GSE1: variants seen among roughly 807,000 people sequenced by gnomAD.
GSE1 encodes genetic suppressor element 1.
In GSE1, 32 loss-of-function variants were observed where a neutral mutation model predicts 112.6. The ratio of observed to expected loss-of-function variants is 0.28; its 90% confidence interval spans 0.21 to 0.38. GSE1 has a LOEUF of 0.38. GSE1 is among the 10% of genes least tolerant of loss of function. GSE1 has a pLI of 1.00. For missense variants in GSE1, 2,348 were observed against 1,699.2 expected (o/e 1.38, Z -6.71); for synonymous variants, 1,115 against 735.6 (o/e 1.52, Z -8.35).
intron 2 of GSE1, among the ~76,000 whole-genome samples, chr16:85,409,412 CT>C (rs559760305): frequency 1.2e-3 from 36 of 29,630 alleles, no homozygotes; most frequent in South Asian, 1.9e-3. Context: ...CAGGGCCCCC[CT>C]GGATAATCCT....
intron 2 of GSE1, among the ~76,000 whole-genome samples, chr16:85,364,494 G>T (rs1302413545): frequency 6.6e-6 from 1 of 152,222 alleles, no homozygotes; most frequent in African/African-American, 2.4e-5. Flanking sequence ...TATAAAGTCA[G>T]CTGCATTAGT....
intron 1 of GSE1, among the ~76,000 whole-genome samples, chr16:85,253,915 G>A (rs1906788718): frequency 6.6e-6 from 1 of 152,224 alleles, no homozygotes; most frequent in Non-Finnish European, 1.5e-5. Context: ...AGGGCAGGAG[G>A]CGGCACAGAC....
upstream of GSE1, chr16:85,611,470 C>G: frequency 1.0e-6 from 1 of 985,276 alleles, no homozygotes. Flanking sequence ...CGCCGGTGAG[C>G]TGGCGGGTCG....
intron 1 of GSE1, among the ~76,000 whole-genome samples, chr16:85,264,212 G>A (rs11647592): frequency 0.12 from 17,991 of 152,150 alleles, 1,102 homozygotes; most frequent in Non-Finnish European, 0.12. Context: ...GAGGTTTCAT[G>A]TTGGGGTAGA....
Position 85,280,302 on chromosome 16 carries a change from C to T in GSE1, c.2284-77161C>T, listed in dbSNP as rs187401906. On this transcript the variant is annotated intron_variant, in intron 1 of 2. Transcript: ENST00000637419. ...TCTACCAGTCCAGGGTGAGGCTTCT[C>T]TGGCCAAGGCCCCATCCAGCACCCA... Among the ~76,000 whole-genome samples, 110 of 152,334 alleles carry T rather than the reference C, an allele frequency of 7.2e-4. 1 individual carries two copies. Among genetic ancestry groups the T allele is most frequent in the African/African-American group, 2.4e-3 (101 of 41,576 alleles).
chr16:85,571,562 G>C (rs938651461), intron 1 of GSE1, among the ~76,000 whole-genome samples: 3 of 152,226 alleles, frequency 2.0e-5, no homozygotes, highest in African/African-American at 4.8e-5. Context: ...ACGGGCCTGG[G>C]AGCGTCACCG....
intron 1 of GSE1, among the ~76,000 whole-genome samples, chr16:85,230,990 A>G (rs1401845848): frequency 2.6e-5 from 4 of 151,348 alleles, no homozygotes; most frequent in Non-Finnish European, 5.9e-5. Context: ...GATGGATAGA[A>G]GGACAGATGG....
chr16:85,530,168 C>T (rs1411883025), intron 2 of GSE1, among the ~76,000 whole-genome samples: 3 of 152,244 alleles, frequency 2.0e-5, no homozygotes, highest in Non-Finnish European at 4.4e-5. Context: ...TCCAGCTCAG[C>T]CGTCTGCCTT....
intron 1 of GSE1, among the ~76,000 whole-genome samples, chr16:85,305,138 C>A (rs2045641968): frequency 6.6e-6 from 1 of 152,212 alleles, no homozygotes; most frequent in Non-Finnish European, 1.5e-5. Context: ...CTCCCTGGGC[C>A]ATCTCCAGAT....
chr16:85,246,992 G>A (rs929950311), intron 1 of GSE1, among the ~76,000 whole-genome samples: 1 of 152,068 alleles, frequency 6.6e-6, no homozygotes, highest in African/African-American at 2.4e-5. Context: ...GTGGCTCGGG[G>A]GTGGGGGTCC....
At chr16:85,482,842 G>T (rs575937459) in intron 2 of GSE1, among the ~76,000 whole-genome samples, 1 of 152,160 alleles carries the variant, frequency 6.6e-6, no homozygotes. Flanking sequence ...GCCAGGCATG[G>T]TGGAGGGTGC....
intron 2 of GSE1, among the ~76,000 whole-genome samples, chr16:85,536,217 C>A (rs2044321929): frequency 6.6e-6 from 1 of 152,218 alleles, no homozygotes; most frequent in South Asian, 2.1e-4. Context: ...GTTCTGAGTT[C>A]TCTCCGTGGG....
At chr16:85,664,212 A>G (rs1213067278) in intron 11 of GSE1, among the ~76,000 whole-genome samples, 1 of 152,250 alleles carries the variant, frequency 6.6e-6, no homozygotes, top group Non-Finnish European at 1.5e-5. Context: ...CCTGCAGCGC[A>G]GGCTGGCTTG....
At chr16:85,299,015 G>A (rs1358171333) in intron 1 of GSE1, among the ~76,000 whole-genome samples, 1 of 152,240 alleles carries the variant, frequency 6.6e-6, no homozygotes, top group East Asian at 1.9e-4. Context: ...CCTCGCTGCT[G>A]GAGGACAGGT....
At chr16:85,341,243 G>C (rs1325309302) in intron 1 of GSE1, among the ~76,000 whole-genome samples, 1 of 151,866 alleles carries the variant, frequency 6.6e-6, no homozygotes, top group Non-Finnish European at 1.5e-5. Flanking sequence ...CTTCAGGTTA[G>C]AGTGCAGTGG....
At chr16:85,630,891 A>C (rs926847818) in intron 1 of GSE1, among the ~76,000 whole-genome samples, 2 of 152,102 alleles carry the variant, frequency 1.3e-5, no homozygotes, top group Non-Finnish European at 2.9e-5. Flanking sequence ...GGGGTGGGAC[A>C]CAGGCTGGGT....
At chr16:85,318,517 G>C (rs1008052407) in intron 1 of GSE1, among the ~76,000 whole-genome samples, 3 of 152,164 alleles carry the variant, frequency 2.0e-5, no homozygotes, top group African/African-American at 7.2e-5. Context: ...TTCCCTCCTG[G>C]GCCTCCCAAA....
At chr16:85,203,228 G>A (rs1363102443) in intron 1 of GSE1, among the ~76,000 whole-genome samples, 2 of 152,100 alleles carry the variant, frequency 1.3e-5, no homozygotes, top group Non-Finnish European at 1.5e-5. Flanking sequence ...ATGCGTTTGC[G>A]ATGGCCACCT....
intron 1 of GSE1, among the ~76,000 whole-genome samples, chr16:85,262,375 C>T (rs1907788588): frequency 6.6e-6 from 1 of 152,124 alleles, no homozygotes; most frequent in South Asian, 2.1e-4. Context: ...GGGAGGGGGC[C>T]AGCTAGAGTT....
Sources: gnomAD v4.1 joint callset for allele counts (sites outside exome capture counted in the v4.1 genomes callset) on GRCh38, gnomAD v4.1.1 for gene constraint, MANE v1.5 for transcripts, NCBI Gene and HGNC (gene_info 2026-07-23, HGNC 2026-07-21) for gene names.